The following ZNF559 variants were observed in gnomAD, a reference collection of about 807,000 sequenced individuals.
The protein encoded by ZNF559 is putative protein product of Nbla00121.
ZNF559 carries 17 observed loss-of-function variants against 14.2 expected under a neutral mutation model. The ratio of observed to expected loss-of-function variants is 1.20; its 90% CI spans 0.82 to 1.80. ZNF559 has a LOEUF of 1.80. Ranked by LOEUF, ZNF559 falls within the 40% of genes most tolerant of loss-of-function variation. The probability of loss-of-function intolerance (pLI) is 0.00; values close to 1 mark genes in which losing one functional copy is unlikely to be tolerated. For missense variants in ZNF559, 740 were observed against 629.7 expected, an observed-to-expected ratio of 1.18 and a Z score of -1.88; for synonymous variants, 244 against 212.4, an observed-to-expected ratio of 1.15 and a Z score of -1.29.
intron 2 of ZNF559, among the ~76,000 whole-genome samples, chr19:9,330,505 GTTTT>G (rs752631005): frequency 4.6e-4 from 70 of 151,860 alleles, no homozygotes; most frequent in Non-Finnish European, 8.7e-4. Flanking sequence ...CTTTTTCATT[GTTTT>G]TTCTTTTTGT....
chr19:9,324,624 C>T, intron 1 of ZNF559, 71 bp from the exon 2 acceptor site: 4 of 1,012,956 alleles, frequency 3.9e-6, no homozygotes, highest in Admixed American at 2.5e-5. Context: ...GGAGACCCCC[C>T]CCCCCAACCA....
At chr19:9,339,049 G>T in intron 4 of ZNF559, 144 bp from the exon 5 acceptor site, 1 of 1,095,052 alleles carries the variant, frequency 9.1e-7, no homozygotes, top group South Asian at 1.4e-5. Flanking sequence ...AATATGTACA[G>T]ACAGGGGAGA....
chr19:9,324,920 G>C (rs1379495983), intron 2 of ZNF559, 140 bp downstream of exon 2: 1 of 699,296 alleles, frequency 1.4e-6, no homozygotes, highest in African/African-American at 1.8e-5. Flanking sequence ...GTGGATGAAT[G>C]CACATAACTG....
intron 1 of ZNF559, chr19:9,324,487 C>T (rs1286016579): frequency 2.9e-6 from 4 of 1,392,180 alleles, no homozygotes; most frequent in African/African-American, 2.9e-5. Context: ...ATTTTCCCTG[C>T]TCCCCTCTGC....
rs1599358891 is a variant in ZNF559, at chr19:9,342,619, TTTA to T, written c.1172_1174del (p.Ile391del). On this transcript the variant is annotated inframe_deletion, in exon 7 of 7. Coordinates refer to ENST00000603380, the MANE Select transcript of ZNF559 (RefSeq NM_032497.3). The stretch of plus-strand genomic sequence containing the variant: ...TCAATGTAAGGAATGTGGAAAAGCC[TTTA>T]TTAATTCCTCTTCCTTTAAAAGTCA... 1.2e-6 allele frequency: 2 copies of T among 1,614,126 alleles called. No individual in the cohort carries two copies. The highest frequency in any genetic ancestry group is 1.7e-6 in the Non-Finnish European group (2 of 1,180,022).
intron 2 of ZNF559, among the ~76,000 whole-genome samples, chr19:9,331,031 A>G (rs1196290034): frequency 1.3e-5 from 2 of 152,172 alleles, no homozygotes; most frequent in Non-Finnish European, 2.9e-5. Context: ...GTTGATGACA[A>G]GCACACCTTC....
In ZNF559 at chr19:9,324,340, C is replaced by T. The variant is rs946113286; in HGVS notation, c.-206+112C>T. On this transcript the variant is annotated intron_variant, in intron 1 of 6. Transcript: ENST00000603380. ...AAATGGAGCCTGTCCCGTGCACTTT[C>T]GGGCATTTCGAGCATCTTGTGGGCT... The T allele has an allele frequency of 5.9e-6, 9 of 1,520,982 alleles. No individual in the cohort carries two copies. In the South Asian group the frequency reaches 8.4e-5, roughly 14 times the overall value. 94.2% of individuals were successfully genotyped at this position (1,520,982 alleles called of 1,614,324 possible). A position where few individuals can be genotyped will look rare whatever the true frequency, so the allele number is the denominator to read the frequency against.
chr19:9,337,221 G>A (rs912296800), intron 2 of ZNF559, among the ~76,000 whole-genome samples: 1 of 152,184 alleles, frequency 6.6e-6, no homozygotes. Flanking sequence ...TCAAACTCAT[G>A]CATTATTGCC....
At chr19:9,339,732 CA>C (rs1161751637) in intron 5 of ZNF559, among the ~76,000 whole-genome samples, 1 of 151,244 alleles carries the variant, frequency 6.6e-6, no homozygotes, top group Non-Finnish European at 1.5e-5. Flanking sequence ...TAGCTCTTAA[CA>C]TGGAAGCATT....
intron 2 of ZNF559, among the ~76,000 whole-genome samples, chr19:9,327,326 C>T (rs905198872): frequency 1.3e-5 from 2 of 152,184 alleles, no homozygotes; most frequent in Non-Finnish European, 2.9e-5. Flanking sequence ...TGGCTCACTG[C>T]AACCTCCGCC....
At chr19:9,339,820 G>T (rs942693029) in intron 5 of ZNF559, among the ~76,000 whole-genome samples, 4 of 147,790 alleles carry the variant, frequency 2.7e-5, no homozygotes, top group African/African-American at 1.0e-4. Flanking sequence ...CCAGGCTGGA[G>T]TGCAGTGGCG....
intron 1 of ZNF559, 153 bp downstream of exon 1, chr19:9,324,381 C>A: frequency 6.7e-7 from 1 of 1,487,676 alleles, no homozygotes; most frequent in African/African-American, 1.4e-5. Flanking sequence ...AAGTCGCGGC[C>A]CCTCCTCTGA....
In ZNF559 at chr19:9,324,784, AGCACTTCAT is replaced by A; in HGVS notation, c.-120+11_-120+19del. ...CTGACAATTCTGTCGTGTCCCGGTG[AGCACTTCAT>A]GCACTTGTTCTGGCTGTGGGTGTCG... On this transcript the variant is annotated splice_donor_5th_base_variant and intron_variant, in intron 2 of 6. Coordinates refer to ENST00000603380, the MANE Select transcript of ZNF559 (RefSeq NM_032497.3). The A allele has an allele frequency of 6.5e-7, 1 of 1,535,848 alleles. No individual in the cohort carries two copies. The highest frequency in any genetic ancestry group is 8.7e-7 in the Non-Finnish European group (1 of 1,146,726).
At chr19:9,329,111 C>T (rs142024212) in intron 2 of ZNF559, among the ~76,000 whole-genome samples, 1 of 151,948 alleles carries the variant, frequency 6.6e-6, no homozygotes, top group East Asian at 1.9e-4. Flanking sequence ...TTAAACTTTT[C>T]TTTATTATTC....
At chr19:9,332,352 T>TGC (rs2066982085) in intron 2 of ZNF559, among the ~76,000 whole-genome samples, 1 of 107,024 alleles carries the variant, frequency 9.3e-6, no homozygotes, top group Non-Finnish European at 2.2e-5. Context: ...TGTATGTGTG[T>TGC]GTGTATATAT....
In ZNF559 at chr19:9,343,151, T is replaced by G. The variant is rs140022935; in HGVS notation, c.*83T>G. On this transcript the variant is annotated 3_prime_UTR_variant, in exon 7 of 7. Coordinates refer to ENST00000603380, the MANE Select transcript of ZNF559 (RefSeq NM_032497.3). Reference sequence around the variant, plus strand: ...AACATGTACTCATTCATAGTGGCAATGTACACAGTCATAAGGAATGTGGGA... The same window carrying G: ...AACATGTACTCATTCATAGTGGCAAGGTACACAGTCATAAGGAATGTGGGA... 3.3e-6 allele frequency: 5 copies of G among 1,530,046 alleles called. No individual in the cohort carries two copies. The highest frequency in any genetic ancestry group is 4.4e-6 in the Non-Finnish European group (5 of 1,146,634). The allele number at this position is 1,530,046 out of a possible 1,614,324, so 94.8% of individuals were successfully genotyped here. A position where few individuals can be genotyped will look rare whatever the true frequency, so the allele number is the denominator to read the frequency against.
rs772364955 is a variant in ZNF559, at chr19:9,341,764, T to C, written c.313T>C (p.Cys105Arg). The change falls in exon 7 of 7, where the codon TGC becomes CGC. Residue 105 changes from cysteine to arginine, a missense_variant. Coordinates refer to ENST00000603380, the MANE Select transcript of ZNF559 (RefSeq NM_032497.3). ...QCEKALSEHSCLKTHRRTYFR... is the reference protein window; with the variant it reads ...QCEKALSEHSRLKTHRRTYFR... Reference sequence around the variant, plus strand: ...TGAAAAAGCCTTGAGTGAACACTCATGCCTTAAGACTCACAGGAGAACTTA... The same window carrying C: ...TGAAAAAGCCTTGAGTGAACACTCACGCCTTAAGACTCACAGGAGAACTTA... 4 of 1,603,962 alleles carry C rather than the reference T, an allele frequency of 2.5e-6. No individual in the cohort carries two copies. Among genetic ancestry groups the C allele is most frequent in the Non-Finnish European group, 3.4e-6 (4 of 1,177,288 alleles).
Position 9,343,848 on chromosome 19 carries a change from T to A in ZNF559, c.*780T>A, listed in dbSNP as rs188721887. ...TAAAAATATCTAGCTGGTCTGAAGATCCTGAGTTATCTCAATTGTTCACGG... is the reference window on the plus strand; with the variant it reads ...TAAAAATATCTAGCTGGTCTGAAGAACCTGAGTTATCTCAATTGTTCACGG... On this transcript the variant is annotated 3_prime_UTR_variant, in exon 7 of 7. Coordinates refer to ENST00000603380, the MANE Select transcript of ZNF559 (RefSeq NM_032497.3). 98 of 964,590 alleles carry A rather than the reference T, an allele frequency of 1.0e-4. No homozygotes were observed. The African/African-American group carries it at 1.5e-3, about 15-fold the overall frequency. The allele number at this position is 964,590 out of a possible 1,614,324, so 59.8% of individuals were successfully genotyped here. A position where few individuals can be genotyped will look rare whatever the true frequency, so the allele number is the denominator to read the frequency against.
intron 2 of ZNF559, chr19:9,337,576 G>A (rs2067309672): frequency 4.2e-6 from 1 of 236,554 alleles, no homozygotes; most frequent in South Asian, 5.8e-5. Flanking sequence ...TTCATATCCT[G>A]GCTCACACTT....
Sources: gnomAD v4.1 joint callset for allele counts (sites outside exome capture counted in the v4.1 genomes callset) on GRCh38, gnomAD v4.1.1 for gene constraint, MANE v1.5 for transcripts, NCBI Gene and HGNC (gene_info 2026-07-23, HGNC 2026-07-21) for gene names.